The following CHPF variants were observed in gnomAD, a reference collection of about 807,000 sequenced individuals.
CHPF encodes chondroitin polymerizing factor, also known as chondroitin polymerizing factor, non-catalytic subunit.
A neutral mutation model predicts 55.1 loss-of-function variants in CHPF; 34 were observed. That is an observed-to-expected ratio of 0.62 (90% CI 0.47 to 0.82). The LOEUF is 0.82. Among genes scored for constraint, CHPF ranks in the 40% least tolerant of loss-of-function variants. CHPF has a pLI of 0.00. For synonymous variants in CHPF, 489 were observed against 496.6 expected (o/e 0.98, Z 0.20); for missense variants, 961 against 1,106.1 (o/e 0.87, Z 1.86).
At position 219,541,794 on chromosome 2, in the gene CHPF, G is replaced by C; in HGVS notation, c.710C>G (p.Pro237Arg). The change falls in exon 2 of 4, where the codon CCC becomes CGC. Residue 237 changes from proline (P) to arginine (R), a missense_variant. Around this residue, in one of 3 missense-constraint regions of CHPF, gnomAD observed 936 missense variants for 1,058.4 expected, o/e 0.88. Transcript: ENST00000243776. ...TCCGTGGCAGTAGCGGCCGGGGGTG[G>C]GCTCTCCGCCGATGAAGTCCTGGGG... ...GRPQDFIGGE[P>R]TPGRYCHGGF... 1 of 1,606,692 alleles carries C rather than the reference G, an allele frequency of 6.2e-7. No homozygotes were observed. The highest frequency in any genetic ancestry group is 8.5e-7 in the Non-Finnish European group (1 of 1,176,236).
rs1158356556 is a variant in CHPF at position 219,541,997 on chromosome 2, G to A, written c.507C>T (p.Gly169=). 2.5e-6 allele frequency: 4 copies of A among 1,605,950 alleles called. No individual in the cohort carries two copies. The highest frequency in any genetic ancestry group is 1.7e-4 in the Middle Eastern group (1 of 6,044). Residue 169 remains glycine (G), a synonymous_variant, in exon 2 of 4, where the codon GGC becomes GGT. Transcript: ENST00000243776. ...APPGMAVVTL[G]EERPIGHLHL... ...GCAGGTGTCCAATGGGTCGCTCCTC[G>A]CCTAGCGTCACCACTGCCATGCCAG...
In CHPF at chr2:219,539,507, G is replaced by A. The variant is rs777312208; in HGVS notation, c.2204C>T (p.Thr735Met). ...PALLQRYRAQTCSARLSEDLY... is the reference protein window; with the variant it reads ...PALLQRYRAQMCSARLSEDLY... Reference sequence around the variant, plus strand: ...GTCCTCACTGAGCCTCGCGCTGCACGTCTGGGCCCGGTAGCGCTGCAGCAG... The same window carrying A: ...GTCCTCACTGAGCCTCGCGCTGCACATCTGGGCCCGGTAGCGCTGCAGCAG... Residue 735 changes from threonine to methionine, a missense_variant, in exon 4 of 4, where the codon ACG becomes ATG. Physicochemically the swap from Thr to Met is moderately conservative, Grantham distance 81 (BLOSUM62 -1). Transcript: ENST00000243776. 22 of 1,613,728 alleles carry A rather than the reference G, an allele frequency of 1.4e-5. No individual in the cohort carries two copies. In the East Asian group the frequency reaches 3.1e-4, roughly 23 times the overall value.
Position 219,541,739 on chromosome 2 carries a change from C to A in CHPF, c.765G>T (p.Leu255=). ...GGFGVLLSRM[L]LQQLRPHLEG... ...CCAGGTGGGGGCGCAGTTGTTGCAG[C>A]AGCATGCGCGACAGCAGCACCCCAA... The change falls in exon 2 of 4, where the codon CTG becomes CTT. Residue 255 remains leucine, a synonymous_variant. Coordinates refer to ENST00000243776, the MANE Select transcript of CHPF (RefSeq NM_024536.6). 6.2e-7 allele frequency: 1 copy of A among 1,610,930 alleles called. No homozygotes were observed. Among genetic ancestry groups the A allele is most frequent in the Non-Finnish European group, 8.5e-7 (1 of 1,178,694 alleles).
At chr2:219,541,160 T>A (rs1322328965) in intron 2 of CHPF, 35 bp from the exon 3 acceptor site, 3 of 1,538,638 alleles carry the variant, frequency 1.9e-6, no homozygotes, top group Non-Finnish European at 2.6e-6. Flanking sequence ...TGTGATGAGC[T>A]GGCATTGTCT....
chr2:219,543,415 G>A lies in CHPF; in HGVS notation c.124C>T (p.Pro42Ser), dbSNP rs772115671. 6.5e-7 allele frequency: 1 copy of A among 1,534,322 alleles called. No homozygotes were observed. The highest frequency in any genetic ancestry group is 8.7e-7 in the Non-Finnish European group (1 of 1,151,592). The part of the protein sequence containing the change: ...TWVEEPCGPG[P>S]PQPGDSELPP... ...AGCTCAGAGTCTCCAGGTTGGGGCG[G>A]GCCTGGGCCGCACGGCTCCTCCACC... The change falls in exon 1 of 4, where the codon CCG becomes TCG. Residue 42 changes from proline to serine, a missense_variant. Coordinates refer to ENST00000243776, the MANE Select transcript of CHPF (RefSeq NM_024536.6).
In CHPF at chr2:219,540,017, G is replaced by A. The variant is rs116513290; in HGVS notation, c.1694C>T (p.Pro565Leu). Residue 565 changes from proline (P) to leucine (L), a missense_variant, in exon 4 of 4, where the codon CCT becomes CTT. Around this residue, in one of 3 missense-constraint regions of CHPF, gnomAD observed 936 missense variants for 1,058.4 expected, o/e 0.88. Transcript: ENST00000243776. ...CAGCTCTGCCACGTGGGCCTTGACA[G>A]GTGCGAAGACATCTGCATGGGCCAC... ...QRVAHADVFA[P>L]VKAHVAELER... 32 of 1,613,396 alleles carry A rather than the reference G, an allele frequency of 2.0e-5. No individual in the cohort carries two copies. The highest frequency in any genetic ancestry group is 2.5e-5 in the Non-Finnish European group (29 of 1,179,952).
intron 2 of CHPF, 80 bp from the exon 3 acceptor site, chr2:219,541,205 G>T: frequency 7.5e-7 from 1 of 1,326,220 alleles, no homozygotes; most frequent in Non-Finnish European, 1.0e-6. Context: ...CATCTCCTCA[G>T]CCTATGACCT....
In CHPF at chr2:219,539,806, G is replaced by T. The variant is rs1279236022; in HGVS notation, c.1905C>A (p.Gly635=). 1 of 1,613,570 alleles carries T rather than the reference G, an allele frequency of 6.2e-7. No homozygotes were observed. Among genetic ancestry groups the T allele is most frequent in the East Asian group, 2.2e-5 (1 of 44,882 alleles). Residue 635 remains glycine (G), a synonymous_variant, in exon 4 of 4, where the codon GGC becomes GGA. Coordinates refer to ENST00000243776, the MANE Select transcript of CHPF (RefSeq NM_024536.6). ...AATGCATGGGAAAGAAGGCCTGCCA[G>T]CCGGAGATGGCATGCATGCGGCAGC... ...LNRCRMHAIS[G]WQAFFPMHFQ...
rs775762046 is a variant in CHPF at position 219,540,003 on chromosome 2, C to T, written c.1708G>A (p.Val570Met). 10 of 1,613,664 alleles carry T rather than the reference C, an allele frequency of 6.2e-6. No individual in the cohort carries two copies. Among genetic ancestry groups the T allele is most frequent in the South Asian group, 2.2e-5 (2 of 91,082 alleles). ...GGGAAACGCCGCTCCAGCTCTGCCACGTGGGCCTTGACAGGTGCGAAGACA... is the reference window on the plus strand; with the variant it reads ...GGGAAACGCCGCTCCAGCTCTGCCATGTGGGCCTTGACAGGTGCGAAGACA... ...ADVFAPVKAHVAELERRFPGA... is the reference protein window; with the variant it reads ...ADVFAPVKAHMAELERRFPGA... The change falls in exon 4 of 4, where the codon GTG (valine) becomes ATG (methionine). Residue 570 changes from valine (V) to methionine (M), a missense_variant. Physicochemically the swap from Val to Met is conservative, Grantham distance 21. Around this residue, in one of 3 missense-constraint regions of CHPF, gnomAD observed 936 missense variants for 1,058.4 expected, o/e 0.88. Transcript: ENST00000243776.
In CHPF at chr2:219,542,075, G is replaced by C. The variant is rs1265303752; in HGVS notation, c.429C>G (p.His143Gln). 1 of 1,571,856 alleles carries C rather than the reference G, an allele frequency of 6.4e-7. No homozygotes were observed. The highest frequency in any genetic ancestry group is 1.8e-5 in the Admixed American group (1 of 54,630). Residue 143 changes from histidine to glutamine, a missense_variant, in exon 2 of 4, where the codon CAC (histidine) becomes CAG (glutamine). By Grantham distance (24) the His-to-Gln change is conservative. Around this residue, in one of 3 missense-constraint regions of CHPF, gnomAD observed 936 missense variants for 1,058.4 expected, o/e 0.88. Transcript: ENST00000243776. ...TCAGGAACACCACACGCTCCAGCCG[G>C]TGCCCCAGCGTGCGGTTCACGGCCA... Reference protein sequence around the residue: ...LGVAVNRTLGHRLERVVFLTG... With the variant: ...LGVAVNRTLGQRLERVVFLTG...
At position 219,539,345 on chromosome 2, in the gene CHPF, G is replaced by C; in HGVS notation, c.*38C>G. 1.9e-6 allele frequency: 3 copies of C among 1,546,374 alleles called. No homozygotes were observed. The highest frequency in any genetic ancestry group is 2.6e-6 in the Non-Finnish European group (3 of 1,141,274). ...TGGTTTTGGGGGAGAAGTGGGGTGG[G>C]GTGTGGCCATGCCACGGCCCACGGG... On this transcript the variant is annotated 3_prime_UTR_variant, in exon 4 of 4. Transcript: ENST00000243776.
chr2:219,543,194 AG>A, intron 1 of CHPF, 30 bp downstream of exon 1: 4 of 1,446,638 alleles, frequency 2.8e-6, no homozygotes, highest in East Asian at 2.8e-5. Flanking sequence ...GCCGCTGCCC[AG>A]GGGGTAGAGC....
rs1051523437 is a variant in CHPF, at chr2:219,539,795, A to G, written c.1916T>C (p.Phe639Ser). ...RMHAISGWQA[F>S]FPMHFQAFHP... ...GAAGGCTTGGAAATGCATGGGAAAG[A>G]AGGCCTGCCAGCCGGAGATGGCATG... The change falls in exon 4 of 4, where the codon TTC (phenylalanine) becomes TCC (serine). Residue 639 changes from phenylalanine (F) to serine (S), a missense_variant. By Grantham distance (155) the Phe-to-Ser change is radical. Around this residue, in one of 3 missense-constraint regions of CHPF, gnomAD observed 936 missense variants for 1,058.4 expected, o/e 0.88. Coordinates refer to ENST00000243776, the MANE Select transcript of CHPF (RefSeq NM_024536.6). The G allele has an allele frequency of 3.1e-6, 5 of 1,613,378 alleles. No individual in the cohort carries two copies. The African/African-American group carries it at 6.7e-5, about 22-fold the overall frequency.
chr2:219,543,051 C>G, intron 1 of CHPF, 174 bp downstream of exon 1: 1 of 1,361,710 alleles, frequency 7.3e-7, no homozygotes, highest in East Asian at 3.1e-5. Context: ...CAGAGAAAGT[C>G]TCGGACTGGC....
In CHPF at chr2:219,540,192, G is replaced by A. The variant is rs761315379; in HGVS notation, c.1519C>T (p.Arg507Cys). Residue 507 changes from arginine to cysteine, a missense_variant, in exon 4 of 4, where the codon CGT becomes TGT. Physicochemically the swap from Arg to Cys is radical, Grantham distance 180. This residue lies in a region of CHPF where 936 missense variants were observed against 1,058.4 expected (regional missense o/e 0.88). Transcript: ENST00000243776. The part of the protein sequence containing the change: ...LPVPYVTEAS[R>C]LTVLLPLAAA... The stretch of plus-strand genomic sequence containing the variant: ...GCTAGAGGCAGCAGCACAGTGAGAC[G>A]TGAGGCCTCAGTGACATAGGGCACA... 8.1e-6 allele frequency: 13 copies of A among 1,611,812 alleles called. No homozygotes were observed. The highest frequency in any genetic ancestry group is 6.7e-5 in the African/African-American group (5 of 74,878).
Position 219,539,658 on chromosome 2 carries a change from C to A in CHPF, c.2053G>T (p.Val685Leu). The change falls in exon 4 of 4, where the codon GTG becomes TTG. Residue 685 changes from valine to leucine, a missense_variant. Coordinates refer to ENST00000243776, the MANE Select transcript of CHPF (RefSeq NM_024536.6). The part of the protein sequence containing the change: ...SEACFYNSDY[V>L]AARGRLAAAS... ...GCCGCCAGGCGCCCACGGGCTGCCA[C>A]ATAGTCGGAGTTGTAGAAGCAGGCC... 6.2e-7 allele frequency: 1 copy of A among 1,613,542 alleles called. No individual in the cohort carries two copies. The highest frequency in any genetic ancestry group is 2.2e-5 in the East Asian group (1 of 44,864).
chr2:219,540,441 C>A lies in CHPF; in HGVS notation c.1270G>T (p.Asp424Tyr). The A allele has an allele frequency of 6.2e-7, 1 of 1,613,720 alleles. No homozygotes were observed. The highest frequency in any genetic ancestry group is 8.5e-7 in the Non-Finnish European group (1 of 1,179,982). Residue 424 changes from aspartate (D) to tyrosine (Y), a missense_variant, in exon 4 of 4, where the codon GAT becomes TAT. Asp to Tyr is a radical substitution (Grantham distance 160, BLOSUM62 -3). Around this residue, in one of 3 missense-constraint regions of CHPF, gnomAD observed 936 missense variants for 1,058.4 expected, o/e 0.88. Coordinates refer to ENST00000243776, the MANE Select transcript of CHPF (RefSeq NM_024536.6). ...TCCTCTAGAGCTGTCCCCAGAACAT[C>A]GGCCACATCAGCCCGGTCAGCCCCA... Reference protein sequence around the residue: ...LRGADRADVADVLGTALEELN... With the variant: ...LRGADRADVAYVLGTALEELN...
rs750764885 is a variant in CHPF at position 219,540,467 on chromosome 2, C to A, written c.1244G>T (p.Arg415Leu). ...GGCCACATCAGCCCGGTCAGCCCCA[C>A]GCAGTGGGCAGCGGGGTGAGCCATC... The part of the protein sequence containing the change: ...CADGSPRCPL[R>L]GADRADVADV... Residue 415 changes from arginine to leucine, a missense_variant, in exon 4 of 4, where the codon CGT becomes CTT. This residue lies in a region of CHPF where 936 missense variants were observed against 1,058.4 expected (regional missense o/e 0.88). Transcript: ENST00000243776. 1 of 1,613,964 alleles carries A rather than the reference C, an allele frequency of 6.2e-7. No homozygotes were observed. Among genetic ancestry groups the A allele is most frequent in the South Asian group, 1.1e-5 (1 of 91,072 alleles).
chr2:219,542,120 G>T lies in CHPF; in HGVS notation c.384C>A (p.Thr128=). The T allele has an allele frequency of 6.4e-7, 1 of 1,566,560 alleles. No individual in the cohort carries two copies. The highest frequency in any genetic ancestry group is 8.6e-7 in the Non-Finnish European group (1 of 1,162,664). ...CGGCCACGCCCAGCGTGGGCAGCGT[G>T]GTCTGAGAGGTCAGCACCGCCACCA... is the stretch of plus-strand genomic sequence containing the variant. ...RLLVAVLTSQ[T]TLPTLGVAVN... Residue 128 remains threonine (T), a synonymous_variant, in exon 2 of 4, where the codon ACC becomes ACA. Coordinates refer to ENST00000243776, the MANE Select transcript of CHPF (RefSeq NM_024536.6).
Sources: allele counts gnomAD v4.1 joint callset, GRCh38; gene constraint gnomAD v4.1.1; regional missense constraint gnomAD v4.1.1; transcripts MANE v1.5; gene names NCBI Gene and HGNC (gene_info 2026-07-23, HGNC 2026-07-21).